Variants in TRIQK observed in about 807,000 individuals in gnomAD.
The protein encoded by TRIQK is triple QxxK/R motif-containing protein.
In TRIQK, 10 loss-of-function variants were observed where a neutral mutation model predicts 10.8. That is an observed-to-expected ratio of 0.92 (90% CI 0.57 to 1.57). TRIQK has a LOEUF of 1.57. TRIQK is among the 40% of genes most tolerant of loss of function. The pLI is 0.00. For missense variants in TRIQK, 107 were observed against 97.7 expected (o/e 1.09, Z -0.40); for synonymous variants, 33 against 33.7 (o/e 0.98, Z 0.07).
At chr8:92,918,632 G>A (rs1447562131) in intron 2 of TRIQK, among the ~76,000 whole-genome samples, 1 of 151,964 alleles carries the variant, frequency 6.6e-6, no homozygotes, top group Non-Finnish European at 1.5e-5. Flanking sequence ...TTTGTTGGAT[G>A]AATATTTTGC....
chr8:92,909,794 A>G (rs918668243), intron 3 of TRIQK, among the ~76,000 whole-genome samples: 1 of 151,740 alleles, frequency 6.6e-6, no homozygotes, highest in African/African-American at 2.4e-5. Context: ...ATCAATCTTG[A>G]GTTTGCAATT....
In TRIQK at chr8:92,981,328, C is replaced by T. The variant is rs201136527; in HGVS notation, c.-180-26764G>A. ...TTTGATCTCTCTTTTGTGCTAAATC[C>T]TCTGTTGAATATAAACTTCTAAAAA... On this transcript the variant is annotated intron_variant, in intron 1 of 4. Coordinates refer to the TRIQK transcript ENST00000520686. Among the ~76,000 whole-genome samples, 13 of 151,726 alleles carry T rather than the reference C, an allele frequency of 8.6e-5. No homozygotes were observed. In the East Asian group the frequency reaches 2.5e-3, roughly 29 times the overall value.
At chr8:92,991,713 T>C (rs572931643) in intron 1 of TRIQK, among the ~76,000 whole-genome samples, 5 of 152,310 alleles carry the variant, frequency 3.3e-5, no homozygotes, top group African/African-American at 1.2e-4. Flanking sequence ...GAAGTCAAAT[T>C]GTCTCTGTTT....
intron 1 of TRIQK, among the ~76,000 whole-genome samples, chr8:92,962,251 C>T (rs1586506440): frequency 6.6e-6 from 1 of 152,110 alleles, no homozygotes; most frequent in South Asian, 2.1e-4. Flanking sequence ...GGATGAATAC[C>T]AAAAAACCAC....
intron 1 of TRIQK, among the ~76,000 whole-genome samples, chr8:92,977,608 C>T (rs907348555): frequency 1.3e-5 from 2 of 152,052 alleles, no homozygotes; most frequent in African/African-American, 4.8e-5. Context: ...TCCTTTTCTA[C>T]TAACTATATT....
At chr8:92,929,092 T>C (rs901220539) in intron 2 of TRIQK, among the ~76,000 whole-genome samples, 1 of 152,160 alleles carries the variant, frequency 6.6e-6, no homozygotes, top group African/African-American at 2.4e-5. Context: ...TTTTCAATTT[T>C]AGTGATAGTT....
chr8:92,950,731 G>A (rs1017638808), intron 2 of TRIQK, among the ~76,000 whole-genome samples: 2 of 152,070 alleles, frequency 1.3e-5, no homozygotes, highest in Non-Finnish European at 2.9e-5. Flanking sequence ...AGTAACCCTA[G>A]GTCTAACACA....
intron 1 of TRIQK, among the ~76,000 whole-genome samples, chr8:93,000,387 C>T (rs1242118757): frequency 2.0e-5 from 3 of 152,200 alleles, no homozygotes; most frequent in Admixed American, 1.3e-4. Context: ...AAAGGCACAT[C>T]TTACATGGTG....
At chr8:92,889,989 T>A (rs1816678644) in intron 4 of TRIQK, among the ~76,000 whole-genome samples, 1 of 151,788 alleles carries the variant, frequency 6.6e-6, no homozygotes. Flanking sequence ...GATATCACAA[T>A]ATTATGGTCA....
chr8:93,005,721 T>C (rs7005995), intron 1 of TRIQK, among the ~76,000 whole-genome samples: 20,967 of 152,144 alleles, frequency 0.14, 1,928 homozygotes, highest in Non-Finnish European at 0.21. Flanking sequence ...CTACTTCTAT[T>C]AATAGAAGTG....
intron 2 of TRIQK, among the ~76,000 whole-genome samples, chr8:92,920,562 G>A (rs540898218): frequency 9.2e-5 from 14 of 151,474 alleles, no homozygotes; most frequent in African/African-American, 3.4e-4. Flanking sequence ...GAGAGACAAA[G>A]AGCAGATTAG....
rs753857285 is a variant in TRIQK, at chr8:92,885,873, T to A, written c.*749A>T. 1.3e-5 allele frequency: 2 copies of A among 151,690 alleles called. No homozygotes were observed. The highest frequency in any genetic ancestry group is 3.0e-5 in the Non-Finnish European group (2 of 67,770). 9.4% of individuals were successfully genotyped at this position (151,690 alleles called of 1,614,324 possible). ...CCTAACAAGAGGGGCGAACTGATAC[T>A]ACAAGCAGCCAGAACAACATAATTA... On this transcript the variant is annotated 3_prime_UTR_variant, in exon 5 of 5. Transcript: ENST00000521988.
At chr8:93,002,345 A>T (rs1438963514) in intron 1 of TRIQK, among the ~76,000 whole-genome samples, 2 of 152,190 alleles carry the variant, frequency 1.3e-5, no homozygotes, top group African/African-American at 2.4e-5. Context: ...TTTTGAAGTG[A>T]TAAAACTGAC....
Position 92,985,136 on chromosome 8 carries a change from T to C in TRIQK, c.-180-30572A>G, listed in dbSNP as rs117881534. Among the ~76,000 whole-genome samples, 625 of 152,330 alleles carry C rather than the reference T, an allele frequency of 4.1e-3. 1 individual carries two copies. Among genetic ancestry groups the C allele is most frequent in the Middle Eastern group, 6.8e-3 (2 of 294 alleles). ...GTTTCAAAGTCAAATGACACTGTGATTGATTTTGAATGACCATATTGTGCT... is the reference window on the plus strand; with the variant it reads ...GTTTCAAAGTCAAATGACACTGTGACTGATTTTGAATGACCATATTGTGCT... On this transcript the variant is annotated intron_variant, in intron 1 of 4. Transcript: ENST00000520686.
intron 1 of TRIQK, among the ~76,000 whole-genome samples, chr8:93,001,141 A>G (rs1054712818): frequency 6.6e-6 from 1 of 152,058 alleles, no homozygotes; most frequent in Non-Finnish European, 1.5e-5. Context: ...CCCCGTCTCT[A>G]CTAAAAATAC....
intron 1 of TRIQK, among the ~76,000 whole-genome samples, chr8:93,008,180 A>T (rs1813293267): frequency 6.6e-6 from 1 of 152,218 alleles, no homozygotes; most frequent in Non-Finnish European, 1.5e-5. Flanking sequence ...TAGCTAATGC[A>T]TGCTAGGCTT....
At chr8:92,897,136 G>A (rs1227259871) in intron 3 of TRIQK, among the ~76,000 whole-genome samples, 1 of 152,120 alleles carries the variant, frequency 6.6e-6, no homozygotes, top group African/African-American at 2.4e-5. Context: ...TACTTTGGAA[G>A]TAGATAATTT....
intron 2 of TRIQK, among the ~76,000 whole-genome samples, chr8:92,924,881 T>A (rs1386570529): frequency 1.3e-5 from 2 of 152,042 alleles, no homozygotes; most frequent in Non-Finnish European, 2.9e-5. Context: ...ACAGTTGTTA[T>A]TCTAAAGTTT....
intron 2 of TRIQK, among the ~76,000 whole-genome samples, chr8:92,924,617 A>G (rs1810353029): frequency 6.6e-6 from 1 of 152,038 alleles, no homozygotes; most frequent in Admixed American, 6.6e-5. Flanking sequence ...ATTCAGAGAT[A>G]GTTCTCCACA....
Sources: allele counts gnomAD v4.1 joint callset (sites outside exome capture counted in the v4.1 genomes callset), GRCh38; gene constraint gnomAD v4.1.1; transcripts MANE v1.5; gene names NCBI Gene and HGNC (gene_info 2026-07-23, HGNC 2026-07-21).